The following GRIN2D variants were observed in gnomAD, a reference collection of about 807,000 sequenced individuals.
GRIN2D encodes the protein glutamate ionotropic receptor NMDA type subunit 2D.
GRIN2D carries 37 observed loss-of-function variants against 103.2 expected under a neutral mutation model. That is an observed-to-expected ratio of 0.36 (90% CI 0.28 to 0.47). The LOEUF (loss-of-function observed/expected upper bound fraction) is 0.47. Ranked by LOEUF, GRIN2D falls within the 20% of genes least tolerant of loss-of-function variation. GRIN2D has a pLI of 1.00. For synonymous variants in GRIN2D, 845 were observed against 885.6 expected, an observed-to-expected ratio of 0.95 and a Z score of 0.81; for missense variants, 1,557 against 1,910.6, an observed-to-expected ratio of 0.81 and a Z score of 3.45.
In GRIN2D at chr19:48,414,397, C is replaced by G. The variant is rs1970915975; in HGVS notation, c.1225C>G (p.Leu409Val). The change falls in exon 6 of 14, where the codon CTC (leucine) becomes GTC (valine). Residue 409 changes from leucine to valine, a missense_variant. Leu to Val is a conservative substitution (Grantham distance 32). Around this residue, in one of 7 missense-constraint regions of GRIN2D, gnomAD observed 490 missense variants for 601.1 expected, o/e 0.82. Transcript: ENST00000263269. The surrounding 1 kb of genome is among the most constrained non-coding windows in gnomAD (Gnocchi z 4.6). ...GGTGGGCAGCTGGGAGCAGCAGACGCTCCGCCTCAAGTACCCGCTGTGGTC... is the reference window on the plus strand; with the variant it reads ...GGTGGGCAGCTGGGAGCAGCAGACGGTCCGCCTCAAGTACCCGCTGTGGTC... ...EVVGSWEQQT[L>V]RLKYPLWSRY... 1 of 1,608,600 alleles carries G rather than the reference C, an allele frequency of 6.2e-7. No individual in the cohort carries two copies. The highest frequency in any genetic ancestry group is 8.5e-7 in the Non-Finnish European group (1 of 1,178,180).
intron 11 of GRIN2D, among the ~76,000 whole-genome samples, chr19:48,426,374 T>C (rs1323402275): frequency 4.6e-5 from 7 of 150,878 alleles, no homozygotes; most frequent in Admixed American, 1.3e-4. Context: ...TACAGGCGCC[T>C]GCCACCACGC....
chr19:48,430,127 C>T (rs1971137518), intron 11 of GRIN2D, among the ~76,000 whole-genome samples: 1 of 152,174 alleles, frequency 6.6e-6, no homozygotes, highest in African/African-American at 2.4e-5. Flanking sequence ...CATGTTATGA[C>T]TATGTAAATG....
chr19:48,395,535 GC>G (rs1369451625), intron 2 of GRIN2D, among the ~76,000 whole-genome samples: 3 of 152,022 alleles, frequency 2.0e-5, no homozygotes, highest in Admixed American at 6.6e-5. Context: ...GAAACGGGAT[GC>G]CGTCTGCAGC....
Position 48,414,148 on chromosome 19 carries a change from A to T in GRIN2D, c.1200+43A>T. 8.3e-7 allele frequency: 1 copy of T among 1,198,498 alleles called. No individual in the cohort carries two copies. The highest frequency in any genetic ancestry group is 1.2e-6 in the Non-Finnish European group (1 of 804,862). The allele number at this position is 1,198,498 out of a possible 1,614,324, so 74.2% of individuals were successfully genotyped here. On this transcript the variant is annotated intron_variant, in intron 5 of 13. Coordinates refer to ENST00000263269, the MANE Select transcript of GRIN2D (RefSeq NM_000836.4). This position sits in a 1 kb window ranked among gnomAD's most constrained non-coding sequence, Gnocchi z 4.6. ...ACCTCAGGCATGGCAGAGGGTGTGG[A>T]CTCCTGCATCCTGGCAGAGGGGGGG...
At chr19:48,404,176 G>A (rs1970752191) in intron 3 of GRIN2D, among the ~76,000 whole-genome samples, 1 of 150,744 alleles carries the variant, frequency 6.6e-6, no homozygotes, top group African/African-American at 2.5e-5. Context: ...GGAGGCGGAT[G>A]TTGCAGTGAG....
At position 48,442,737 on chromosome 19, in the gene GRIN2D, C is replaced by G; in HGVS notation, c.2811C>G (p.Arg937=). 1 of 1,105,116 alleles carries G rather than the reference C, an allele frequency of 9.0e-7. No individual in the cohort carries two copies. The highest frequency in any genetic ancestry group is 5.8e-5 in the East Asian group (1 of 17,388). 68.5% of individuals were successfully genotyped at this position (1,105,116 alleles called of 1,614,324 possible). ...CCGCACCTTTCGTGCCCCGCGAGCG[C>G]GCCTCAGTGGACCGCTGGCGCCGGA... ...PGPAPFVPRE[R]ASVDRWRRTK... is the part of the protein sequence containing the mutation. The change falls in exon 14 of 14, where the codon CGC becomes CGG. Residue 937 remains arginine, a synonymous_variant. Transcript: ENST00000263269. This position sits in a 1 kb window ranked among gnomAD's most constrained non-coding sequence, Gnocchi z 7.2.
intron 8 of GRIN2D, 47 bp downstream of exon 8, chr19:48,416,202 C>A (rs1293386842): frequency 1.9e-6 from 3 of 1,560,210 alleles, no homozygotes; most frequent in African/African-American, 2.7e-5. Context: ...GCAAAGTAGC[C>A]GTCCCCAACC....
Position 48,405,897 on chromosome 19 carries a change from C to T in GRIN2D, c.1085+544C>T, listed in dbSNP as rs1395630166. On this transcript the variant is annotated intron_variant, in intron 4 of 13. Transcript: ENST00000263269. The surrounding 1 kb of genome is among the most constrained non-coding windows in gnomAD (Gnocchi z 5.1). ...TGTTACTCTGGCATCTCTGCATGGT[C>T]GAAGTGGGTCGTGGGGATGTCTGAA... Among the ~76,000 whole-genome samples the T allele has an allele frequency of 1.3e-5, 2 of 152,090 alleles. No individual in the cohort carries two copies. The highest frequency in any genetic ancestry group is 2.9e-5 in the Non-Finnish European group (2 of 68,026).
In GRIN2D at chr19:48,398,705, G is replaced by T. The variant is rs1309442475; in HGVS notation, c.313G>T (p.Asp105Tyr). The T allele has an allele frequency of 6.8e-7, 1 of 1,465,730 alleles. No individual in the cohort carries two copies. The highest frequency in any genetic ancestry group is 9.0e-7 in the Non-Finnish European group (1 of 1,114,264). 90.8% of individuals were successfully genotyped at this position (1,465,730 alleles called of 1,614,324 possible). A position where few individuals can be genotyped will look rare whatever the true frequency, so the allele number is the denominator to read the frequency against. The change falls in exon 3 of 14, where the codon GAC (aspartate) becomes TAC (tyrosine). Residue 105 changes from aspartate to tyrosine, a missense_variant. Coordinates refer to ENST00000263269, the MANE Select transcript of GRIN2D (RefSeq NM_000836.4). ...DPRSLVLQLC[D>Y]LLSGLRVHGV... ...GCGCAGCCTCGTGCTGCAGCTCTGC[G>T]ACCTGCTGTCGGGGTTGCGCGTGCA...
At chr19:48,433,403 A>G (rs1448573574) in intron 11 of GRIN2D, among the ~76,000 whole-genome samples, 2 of 152,114 alleles carry the variant, frequency 1.3e-5, no homozygotes, top group East Asian at 3.9e-4. Context: ...AATAAATAAA[A>G]TTTAAATGCA....
At chr19:48,424,140 A>G (rs1483324444) in intron 11 of GRIN2D, among the ~76,000 whole-genome samples, 1 of 150,908 alleles carries the variant, frequency 6.6e-6, no homozygotes, top group African/African-American at 2.5e-5. Flanking sequence ...CTAATGCCCA[A>G]TGCAGTGGCT....
chr19:48,422,124 C>T (rs1029795404), intron 11 of GRIN2D, among the ~76,000 whole-genome samples, 179 bp downstream of exon 11: 3 of 152,094 alleles, frequency 2.0e-5, no homozygotes, highest in Non-Finnish European at 4.4e-5. Context: ...GAGCAGGCTC[C>T]TTGGGATATT....
At chr19:48,395,598 T>C (rs1038957775) in intron 2 of GRIN2D, among the ~76,000 whole-genome samples, 2 of 151,886 alleles carry the variant, frequency 1.3e-5, no homozygotes, top group Non-Finnish European at 2.9e-5. Context: ...GCTCCTCTCT[T>C]CTCTGTTGGA....
At position 48,402,795 on chromosome 19, in the gene GRIN2D, AGAGAGAG is replaced by A. The variant is rs1569059446; in HGVS notation, c.466-1938_466-1932del. 6.3e-3 allele frequency among the ~76,000 whole-genome samples: 930 copies of A among 146,948 alleles called. 16 individuals carry two copies. Among genetic ancestry groups the A allele is most frequent in the African/African-American group, 0.022 (871 of 39,792 alleles). ...GAGAGAGAGAGAGAGAGAGAGAGAG[AGAGAGAG>A]AGAATAGGGAACAGTCTTGAGATAG... On this transcript the variant is annotated intron_variant, in intron 3 of 13. Coordinates refer to ENST00000263269, the MANE Select transcript of GRIN2D (RefSeq NM_000836.4).
chr19:48,419,404 A>G (rs1419785214), intron 9 of GRIN2D, 45 bp downstream of exon 9: 3 of 1,572,510 alleles, frequency 1.9e-6, no homozygotes, highest in Admixed American at 3.9e-5. Context: ...ATCCCGAACC[A>G]CAGAGACAGA....
At position 48,421,107 on chromosome 19, in the gene GRIN2D, TCTTATGTA is replaced by T. The variant is rs1262244346; in HGVS notation, c.2092-677_2092-670del. On this transcript the variant is annotated intron_variant, in intron 10 of 13. Coordinates refer to ENST00000263269, the MANE Select transcript of GRIN2D (RefSeq NM_000836.4). This position sits in a 1 kb window ranked among gnomAD's most constrained non-coding sequence, Gnocchi z 4.8. ...GAGTAGAATAGAATAGTTGCCTGCA[TCTTATGTA>T]TAAGTTTGGTTTTACAAAACTTGTT... Among the ~76,000 whole-genome samples, 1 of 152,176 alleles carries T rather than the reference TCTTATGTA, an allele frequency of 6.6e-6. No individual in the cohort carries two copies. Among genetic ancestry groups the T allele is most frequent in the East Asian group, 1.9e-4 (1 of 5,184 alleles).
intron 4 of GRIN2D, among the ~76,000 whole-genome samples, chr19:48,413,481 A>G (rs1391770042): frequency 6.6e-6 from 1 of 151,852 alleles, no homozygotes; most frequent in Non-Finnish European, 1.5e-5. Context: ...TCTGTCTCAA[A>G]AAACAAAACA....
At position 48,443,319 on chromosome 19, in the gene GRIN2D, C is replaced by G. The variant is rs760760246; in HGVS notation, c.3393C>G (p.Pro1131=). Residue 1131 remains proline (P), a synonymous_variant, in exon 14 of 14, where the codon CCC becomes CCG. Coordinates refer to ENST00000263269, the MANE Select transcript of GRIN2D (RefSeq NM_000836.4). The surrounding 1 kb of genome is among the most constrained non-coding windows in gnomAD (Gnocchi z 8.9). ...GCGCGTCGCTGGGCGGCCTGGAGCC[C>G]TGGTGGTTCGCCGACTTCCCTTACC... The part of the protein sequence containing the change: ...LGGASLGGLE[P]WWFADFPYPY... 6.5e-7 allele frequency: 1 copy of G among 1,543,402 alleles called. No homozygotes were observed. The highest frequency in any genetic ancestry group is 8.7e-7 in the Non-Finnish European group (1 of 1,154,982).
At chr19:48,415,937 C>A in intron 7 of GRIN2D, 65 bp from the exon 8 acceptor site, 1 of 1,462,052 alleles carries the variant, frequency 6.8e-7, no homozygotes, top group Non-Finnish European at 9.5e-7. Context: ...CTCTGCTCGC[C>A]GTCCGTGTCA....
Sources: gnomAD v4.1 joint callset for allele counts (sites outside exome capture counted in the v4.1 genomes callset) on GRCh38, gnomAD v4.1.1 for gene constraint, gnomAD v4.1.1 regional missense constraint, Gnocchi (gnomAD v3.1) non-coding constraint, MANE v1.5 for transcripts, NCBI Gene and HGNC (gene_info 2026-07-23, HGNC 2026-07-21) for gene names.